Variants in SENP6 observed in about 807,000 individuals in gnomAD.
The protein encoded by SENP6 is SUMO specific peptidase 6.
In SENP6, 41 loss-of-function variants were observed where a neutral mutation model predicts 134.5. The ratio of observed to expected loss-of-function variants is 0.30; its 90% CI spans 0.24 to 0.40. The LOEUF (loss-of-function observed/expected upper bound fraction) is 0.40. SENP6 is among the 10% of genes least tolerant of loss of function. SENP6 has a pLI of 1.00. For synonymous variants in SENP6, 395 were observed against 429.8 expected, an observed-to-expected ratio of 0.92 and a Z score of 1.00; for missense variants, 1,248 against 1,312.5, an observed-to-expected ratio of 0.95 and a Z score of 0.76.
intron 19 of SENP6, among the ~76,000 whole-genome samples, chr6:75,708,009 G>A (rs906246005): frequency 3.3e-5 from 5 of 152,072 alleles, no homozygotes; most frequent in Admixed American, 6.6e-5. Flanking sequence ...TTGGTTTATC[G>A]GTTATTTTAA....
At chr6:75,690,033 TC>T (rs1262015677) in intron 16 of SENP6, among the ~76,000 whole-genome samples, 3 of 152,170 alleles carry the variant, frequency 2.0e-5, no homozygotes, top group African/African-American at 7.2e-5. Flanking sequence ...TGCCTCAGCT[TC>T]CTAAGTAGCT....
At position 75,641,484 on chromosome 6, in the gene SENP6, T is replaced by C. The variant is rs72654724; in HGVS notation, c.479+780T>C. On this transcript the variant is annotated intron_variant, in intron 6 of 23. Coordinates refer to ENST00000447266, the MANE Select transcript of SENP6 (RefSeq NM_015571.4). ...AACATCAAGTGTATTCTCTTCTGAC[T>C]GAAAGGTTTGTAAGAGAATTTTGTG... 0.011 allele frequency among the ~76,000 whole-genome samples: 1,609 copies of C among 152,326 alleles called. 61 individuals are homozygous for C. The East Asian group carries it at 0.14, about 13-fold the overall frequency.
chr6:75,677,296 G>A (rs1424252801), intron 14 of SENP6, 40 bp downstream of exon 14: 3 of 1,330,662 alleles, frequency 2.3e-6, no homozygotes, highest in South Asian at 2.8e-5. Flanking sequence ...CTTAAATTGT[G>A]GGTAGTTTTA....
At chr6:75,652,709 A>AGAAAAG (rs1770993022) in intron 7 of SENP6, among the ~76,000 whole-genome samples, 5 of 150,254 alleles carry the variant, frequency 3.3e-5, no homozygotes, top group African/African-American at 1.2e-4. Context: ...AAAAAGAAAA[A>AGAAAAG]GAAAAAAAAT....
rs537774592 is a variant in SENP6 at position 75,640,542 on chromosome 6, G to A, written c.459-142G>A. On this transcript the variant is annotated intron_variant, in intron 5 of 23. Transcript: ENST00000447266. The stretch of plus-strand genomic sequence containing the variant: ...CAATTTAGACATGACTCAAAACATA[G>A]TATATTATATATATATAATGTATTT... 4.5e-5 allele frequency: 16 copies of A among 353,334 alleles called. No individual in the cohort carries two copies. In the Middle Eastern group the frequency reaches 3.3e-3, roughly 72 times the overall value. The allele number at this position is 353,334 out of a possible 1,614,324, so 21.9% of individuals were successfully genotyped here.
In SENP6 at chr6:75,643,206, ATAGAG is replaced by A. The variant is rs1770162844; in HGVS notation, c.479+2505_479+2509del. On this transcript the variant is annotated intron_variant, in intron 6 of 23. Coordinates refer to ENST00000447266, the MANE Select transcript of SENP6 (RefSeq NM_015571.4). ...AACATAAATAGAAATATAAAAAGTA[ATAGAG>A]TAAAATGAAAACAAGTCCTATCAGT... Among the ~76,000 whole-genome samples, 4 of 152,360 alleles carry A rather than the reference ATAGAG, an allele frequency of 2.6e-5. No homozygotes were observed. In the South Asian group the frequency reaches 8.3e-4, roughly 32 times the overall value.
At chr6:75,643,311 T>G (rs1490595551) in intron 6 of SENP6, among the ~76,000 whole-genome samples, 1 of 152,124 alleles carries the variant, frequency 6.6e-6, no homozygotes, top group African/African-American at 2.4e-5. Context: ...ACTACATTGT[T>G]TACAAGCATC....
At chr6:75,712,013 A>G (rs915987270) in intron 21 of SENP6, among the ~76,000 whole-genome samples, 2 of 152,142 alleles carry the variant, frequency 1.3e-5, no homozygotes, top group African/African-American at 2.4e-5. Flanking sequence ...TTTACCTACA[A>G]TGTTTTGGAG....
At chr6:75,696,003 AAC>A (rs1297470723) in intron 17 of SENP6, 80 bp downstream of exon 17, 1 of 1,283,766 alleles carries the variant, frequency 7.8e-7, no homozygotes, top group Non-Finnish European at 1.1e-6. Context: ...CTTGAAAGAA[AAC>A]ACAAATCTCT....
At chr6:75,694,321 T>C (rs1353931228) in intron 16 of SENP6, among the ~76,000 whole-genome samples, 1 of 152,238 alleles carries the variant, frequency 6.6e-6, no homozygotes, top group Non-Finnish European at 1.5e-5. Flanking sequence ...ACCTCACCAC[T>C]GTACAAGTTC....
intron 21 of SENP6, among the ~76,000 whole-genome samples, chr6:75,711,972 C>T (rs1490948642): frequency 6.6e-6 from 1 of 152,208 alleles, no homozygotes; most frequent in East Asian, 1.9e-4. Flanking sequence ...CGCGCCCGGC[C>T]ACAAGTTTTG....
intron 3 of SENP6, among the ~76,000 whole-genome samples, chr6:75,624,558 A>C (rs1411521448): frequency 1.3e-5 from 2 of 152,026 alleles, no homozygotes; most frequent in Non-Finnish European, 2.9e-5. Context: ...TAATGTCTTC[A>C]ACCTTTGATC....
At chr6:75,629,424 T>G (rs1277512168) in intron 3 of SENP6, among the ~76,000 whole-genome samples, 1 of 152,138 alleles carries the variant, frequency 6.6e-6, no homozygotes, top group Non-Finnish European at 1.5e-5. Context: ...CTCAGCCTCC[T>G]GAGTAGCTGG....
chr6:75,709,768 G>A, intron 20 of SENP6, 138 bp downstream of exon 20: 2 of 499,976 alleles, frequency 4.0e-6, no homozygotes, highest in Non-Finnish European at 7.1e-6. Flanking sequence ...CTAGGAGTTT[G>A]AGTTCAGCCT....
At chr6:75,706,600 T>C (rs17792496) in intron 19 of SENP6, among the ~76,000 whole-genome samples, 9,422 of 152,298 alleles carry the variant, frequency 0.062, 417 homozygotes, top group Non-Finnish European at 0.082. Flanking sequence ...TAACTTGTTT[T>C]ATGTAGTTTG....
At chr6:75,627,861 AAG>A (rs1339086309) in intron 3 of SENP6, among the ~76,000 whole-genome samples, 1 of 151,904 alleles carries the variant, frequency 6.6e-6, no homozygotes, top group Non-Finnish European at 1.5e-5. Context: ...TATTTTTAGT[AAG>A]AGACGGGGTT....
At chr6:75,656,854 C>T (rs559644269) in intron 7 of SENP6, among the ~76,000 whole-genome samples, 1 of 152,192 alleles carries the variant, frequency 6.6e-6, no homozygotes, top group African/African-American at 2.4e-5. Flanking sequence ...TGTCATTTTT[C>T]TCTACCTATT....
In SENP6 at chr6:75,713,361, A is replaced by G. The variant is rs1173852120; in HGVS notation, c.2910-152A>G. ...GATTATAAGGTTCGTATGTGTCTAT[A>G]AGGTTCATTTTTTTTCCCTCAGTAG... On this transcript the variant is annotated intron_variant, in intron 21 of 23. Coordinates refer to ENST00000447266, the MANE Select transcript of SENP6 (RefSeq NM_015571.4). 3 of 560,118 alleles carry G rather than the reference A, an allele frequency of 5.4e-6. No homozygotes were observed. In the African/African-American group the frequency reaches 5.6e-5, roughly 11 times the overall value. The allele number at this position is 560,118 out of a possible 1,614,324, so 34.7% of individuals were successfully genotyped here.
chr6:75,618,297 G>A (rs1410686022), intron 1 of SENP6, among the ~76,000 whole-genome samples: 2 of 150,144 alleles, frequency 1.3e-5, no homozygotes, highest in Non-Finnish European at 3.0e-5. Context: ...GTATGGATTC[G>A]GGAATGTTTA....
Sources: gnomAD v4.1 joint callset for allele counts (sites outside exome capture counted in the v4.1 genomes callset) on GRCh38, gnomAD v4.1.1 for gene constraint, MANE v1.5 for transcripts, NCBI Gene and HGNC (gene_info 2026-07-23, HGNC 2026-07-21) for gene names.